Variants in MACROD2 observed in about 807,000 individuals in gnomAD.
MACROD2 encodes the protein ADP-ribose glycohydrolase MACROD2.
In MACROD2, 36 loss-of-function variants were observed where a neutral mutation model predicts 70.4. The observed-to-expected ratio is 0.51, with a 90% CI of 0.39 to 0.68. The LOEUF (loss-of-function observed/expected upper bound fraction) is 0.68, where lower values mean the gene tolerates loss of function less well. Ranked by LOEUF, MACROD2 falls within the 30% of genes least tolerant of loss-of-function variation. MACROD2 has a pLI of 0.00. For synonymous variants in MACROD2, 172 were observed against 178.8 expected (o/e 0.96, Z 0.30); for missense variants, 496 against 538.4 (o/e 0.92, Z 0.78).
rs74954202 is a variant in MACROD2, at chr20:14,204,861, T to G, written c.271+119133T>G. Among the ~76,000 whole-genome samples, 1,148 of 152,308 alleles carry G rather than the reference T, an allele frequency of 7.5e-3. 17 individuals carry two copies. The highest frequency in any genetic ancestry group is 0.026 in the African/African-American group (1,062 of 41,572). On this transcript the variant is annotated intron_variant, in intron 3 of 17. Transcript: ENST00000684519. The stretch of plus-strand genomic sequence containing the variant: ...CTAGTCAGCCTCTTGAACCCTTACC[T>G]CAATTATTATTATCATTTTTTAAAG...
chr20:15,180,403 T>C (rs1419056551), intron 5 of MACROD2, among the ~76,000 whole-genome samples: 1 of 152,236 alleles, frequency 6.6e-6, no homozygotes, highest in Non-Finnish European at 1.5e-5. Context: ...CCCAGACAAA[T>C]TGTGGTACAA....
At chr20:15,885,342 G>T (rs1000989339) in intron 9 of MACROD2, among the ~76,000 whole-genome samples, 1 of 152,062 alleles carries the variant, frequency 6.6e-6, no homozygotes, top group Admixed American at 6.6e-5. Context: ...GACATGTGTC[G>T]GTCTATGACC....
At chr20:14,323,708 T>G (rs1430125664) in intron 3 of MACROD2, 1 of 152,112 alleles carries the variant, frequency 6.6e-6, no homozygotes, top group Non-Finnish European at 1.5e-5. Context: ...CTTTGAAGAT[T>G]GCAAGGATTT....
chr20:15,307,223 G>A (rs573246741), intron 6 of MACROD2, among the ~76,000 whole-genome samples: 2 of 152,292 alleles, frequency 1.3e-5, no homozygotes, highest in South Asian at 4.1e-4. Flanking sequence ...TATGCTTGTT[G>A]CAGAAACACA....
chr20:15,648,362 A>G (rs2049586267), intron 8 of MACROD2, among the ~76,000 whole-genome samples: 1 of 152,178 alleles, frequency 6.6e-6, no homozygotes, highest in Non-Finnish European at 1.5e-5. Context: ...AGGACTCCAC[A>G]GGACCTTGGG....
intron 4 of MACROD2, among the ~76,000 whole-genome samples, chr20:14,531,553 T>G (rs529762148): frequency 3.9e-5 from 6 of 152,158 alleles, no homozygotes; most frequent in African/African-American, 1.4e-4. Flanking sequence ...ACAGAATAAA[T>G]TTATGTTGTT....
At chr20:15,012,718 C>T (rs761558907) in intron 5 of MACROD2, among the ~76,000 whole-genome samples, 9 of 152,156 alleles carry the variant, frequency 5.9e-5, no homozygotes, top group African/African-American at 1.7e-4. Flanking sequence ...GCCTCACCCA[C>T]GCTCCCCCTA....
intron 5 of MACROD2, among the ~76,000 whole-genome samples, chr20:14,910,087 C>A (rs559607600): frequency 2.1e-4 from 32 of 152,262 alleles, no homozygotes; most frequent in Non-Finnish European, 1.8e-4. Context: ...AAATGAAACT[C>A]TCTTTTGAGA....
chr20:15,839,462 G>A lies in MACROD2; in HGVS notation c.646-23283G>A, dbSNP rs560723856. Among the ~76,000 whole-genome samples, 29 of 152,230 alleles carry A rather than the reference G, an allele frequency of 1.9e-4. No individual in the cohort carries two copies. In the South Asian group the frequency reaches 2.1e-3, roughly 11 times the overall value. On this transcript the variant is annotated intron_variant, in intron 8 of 17. Transcript: ENST00000684519. ...TAAGTTAGTTCCAAGGCTGGGCCTC[G>A]TAAGACCTTGTGCATTTTCACTTTC...
At chr20:14,146,892 C>T (rs1286012877) in intron 3 of MACROD2, among the ~76,000 whole-genome samples, 1 of 152,174 alleles carries the variant, frequency 6.6e-6, no homozygotes, top group Non-Finnish European at 1.5e-5. Context: ...ATCACAGTCA[C>T]TTGGAGAGCT....
intron 3 of MACROD2, among the ~76,000 whole-genome samples, chr20:14,261,535 A>G (rs972417094): frequency 1.3e-5 from 2 of 152,084 alleles, no homozygotes; most frequent in African/African-American, 4.8e-5. Flanking sequence ...TTATCTACAC[A>G]TGTGTGTGTA....
At chr20:15,016,594 C>T (rs531094635) in intron 5 of MACROD2, among the ~76,000 whole-genome samples, 11 of 152,200 alleles carry the variant, frequency 7.2e-5, no homozygotes, top group South Asian at 2.1e-4. Flanking sequence ...GAGCCTGGCA[C>T]GTCCCCCCTC....
intron 3 of MACROD2, among the ~76,000 whole-genome samples, chr20:14,097,197 G>GT (rs1470426743): frequency 1.3e-5 from 2 of 152,112 alleles, no homozygotes; most frequent in Non-Finnish European, 2.9e-5. Flanking sequence ...CAGTGACTAG[G>GT]TCCTTGTATA....
intron 4 of MACROD2, among the ~76,000 whole-genome samples, chr20:14,639,790 G>A (rs1335046764): frequency 2.0e-5 from 3 of 152,178 alleles, no homozygotes; most frequent in East Asian, 3.9e-4. Context: ...GACCACTTAA[G>A]TATTATGAAT....
At chr20:14,791,823 T>G (rs2072454221) in intron 5 of MACROD2, among the ~76,000 whole-genome samples, 1 of 151,832 alleles carries the variant, frequency 6.6e-6, no homozygotes, top group Non-Finnish European at 1.5e-5. Context: ...TTTGTTAATA[T>G]ATACATGCAT....
intron 15 of MACROD2, among the ~76,000 whole-genome samples, chr20:16,019,118 A>G (rs981820141): frequency 1.3e-5 from 2 of 152,378 alleles, no homozygotes; most frequent in African/African-American, 4.8e-5. Flanking sequence ...AGTCATAGAA[A>G]TAGGACACTG....
intron 5 of MACROD2, among the ~76,000 whole-genome samples, chr20:15,113,493 C>T (rs544127524): frequency 3.9e-5 from 6 of 152,164 alleles, no homozygotes; most frequent in Admixed American, 2.0e-4. Flanking sequence ...GTTTTTGAGG[C>T]GTCAAAACAA....
intron 8 of MACROD2, among the ~76,000 whole-genome samples, chr20:15,604,382 T>C (rs2048864952): frequency 6.6e-6 from 1 of 152,238 alleles, no homozygotes; most frequent in Non-Finnish European, 1.5e-5. Flanking sequence ...TTTTTAAGAA[T>C]GCCTGTGCCC....
At chr20:15,533,260 G>A (rs1203352383) in intron 8 of MACROD2, among the ~76,000 whole-genome samples, 1 of 152,072 alleles carries the variant, frequency 6.6e-6, no homozygotes, top group African/African-American at 2.4e-5. Context: ...TATTTTCCTT[G>A]GGAAGAACAA....
Sources: gnomAD v4.1 joint callset for allele counts (sites outside exome capture counted in the v4.1 genomes callset) on GRCh38, gnomAD v4.1.1 for gene constraint, MANE v1.5 for transcripts, NCBI Gene and HGNC (gene_info 2026-07-23, HGNC 2026-07-21) for gene names.